The following WDR64 variants were observed in gnomAD, a reference collection of about 807,000 sequenced individuals.
The protein encoded by WDR64 is WD repeat domain 64, also known as WD repeat-containing protein 64.
A neutral mutation model predicts 139.3 loss-of-function variants in WDR64; 112 were observed. The observed-to-expected ratio is 0.80, with a 90% CI of 0.69 to 0.94. The LOEUF is 0.94. Ranked by LOEUF, WDR64 falls within the 40% of genes least tolerant of loss-of-function variation. WDR64 has a pLI of 0.00. For synonymous variants in WDR64, 444 were observed against 437.7 expected, an observed-to-expected ratio of 1.01 and a Z score of -0.18; for missense variants, 1,206 against 1,293.1, an observed-to-expected ratio of 0.93 and a Z score of 1.03.
At chr1:241,771,933 C>CATATATACATACAT (rs1658452649) in intron 19 of WDR64, among the ~76,000 whole-genome samples, 2 of 73,490 alleles carry the variant, frequency 2.7e-5, no homozygotes, top group Non-Finnish European at 5.8e-5. Flanking sequence ...CATACATATA[C>CATATATACATACAT]ATACATACAT....
At position 241,795,203 on chromosome 1, in the gene WDR64, G is replaced by A. The variant is rs1431427529; in HGVS notation, c.2998-4G>A. On this transcript the variant is annotated splice_polypyrimidine_tract_variant and splice_region_variant and intron_variant, in intron 25 of 27. Transcript: ENST00000437684. Reference sequence around the variant, plus strand: ...CATTAAACATTCATCCCTTTGTTTTGCAGATTCGAAGATATCCCTTGGAAG... The same window carrying A: ...CATTAAACATTCATCCCTTTGTTTTACAGATTCGAAGATATCCCTTGGAAG... 2 of 1,613,160 alleles carry A rather than the reference G, an allele frequency of 1.2e-6. No individual in the cohort carries two copies. The highest frequency in any genetic ancestry group is 1.1e-5 in the South Asian group (1 of 90,886).
chr1:241,660,189 T>C (rs1366519306), intron 1 of WDR64, among the ~76,000 whole-genome samples: 1 of 152,182 alleles, frequency 6.6e-6, no homozygotes, highest in South Asian at 2.1e-4. Flanking sequence ...CCATTGCTTG[T>C]TTTTGTCAGG....
In WDR64 at chr1:241,738,368, C is replaced by T. The variant is rs1405362103; in HGVS notation, c.1200C>T (p.Phe400=). Residue 400 remains phenylalanine (F), a synonymous_variant, in exon 11 of 28, where the codon TTC becomes TTT. Coordinates refer to ENST00000437684, the MANE Select transcript of WDR64 (RefSeq NM_001367482.1). ...HVVSLSSAKV[F]RVWDIQTLSL... ...TGTGTTTGTTATTCTTCCAGGTTTT[C>T]CGGGTGTGGGATATACAAACTCTTT... 6.2e-7 allele frequency: 1 copy of T among 1,611,946 alleles called. No individual in the cohort carries two copies. Among genetic ancestry groups the T allele is most frequent in the East Asian group, 2.2e-5 (1 of 44,800 alleles).
chr1:241,716,664 T>G (rs1668415162), intron 9 of WDR64, among the ~76,000 whole-genome samples: 1 of 152,036 alleles, frequency 6.6e-6, no homozygotes, highest in African/African-American at 2.4e-5. Context: ...ATGATGATGA[T>G]GATGATGATG....
At chr1:241,715,053 A>G (rs547974201) in intron 9 of WDR64, among the ~76,000 whole-genome samples, 202 of 152,342 alleles carry the variant, frequency 1.3e-3, no homozygotes, top group African/African-American at 4.5e-3. Context: ...ATACCAAAAC[A>G]TTAATTGTCC....
intron 14 of WDR64, among the ~76,000 whole-genome samples, chr1:241,755,827 C>T (rs1402112177): frequency 1.3e-5 from 2 of 152,112 alleles, no homozygotes; most frequent in African/African-American, 4.8e-5. Flanking sequence ...GAATCCTTTC[C>T]CCATTGCTTG....
intron 27 of WDR64, among the ~76,000 whole-genome samples, chr1:241,799,238 G>A (rs556735003): frequency 1.5e-4 from 11 of 71,298 alleles, no homozygotes; most frequent in Admixed American, 7.8e-4. Context: ...AAAATTAGCC[G>A]GGTGTGGTGG....
In WDR64 at chr1:241,792,299, G is replaced by T. The variant is rs1443635871; in HGVS notation, c.2997+1603G>T. Among the ~76,000 whole-genome samples the T allele has an allele frequency of 2.6e-5, 4 of 152,166 alleles. No individual in the cohort carries two copies. In the South Asian group the frequency reaches 8.3e-4, roughly 32 times the overall value. ...CGCCTGTAATCCCAGCATTGTGGGA[G>T]GCCGAGGTGGGCAGATCACGAGGTC... is the stretch of plus-strand genomic sequence containing the variant. On this transcript the variant is annotated intron_variant, in intron 25 of 27. Coordinates refer to ENST00000437684, the MANE Select transcript of WDR64 (RefSeq NM_001367482.1).
At chr1:241,705,304 G>A (rs1667891767) in intron 8 of WDR64, among the ~76,000 whole-genome samples, 1 of 152,036 alleles carries the variant, frequency 6.6e-6, no homozygotes, top group South Asian at 2.1e-4. Context: ...CACTTTGGGA[G>A]GCCAAGGAGG....
At chr1:241,792,092 C>T (rs1659229405) in intron 25 of WDR64, among the ~76,000 whole-genome samples, 1 of 152,142 alleles carries the variant, frequency 6.6e-6, no homozygotes, top group Non-Finnish European at 1.5e-5. Flanking sequence ...CCTACAGTTA[C>T]CCCACCCTCT....
Position 241,771,697 on chromosome 1 carries a change from G to C in WDR64, c.2290G>C (p.Gly764Arg). 6.8e-7 allele frequency: 1 copy of C among 1,480,260 alleles called. No homozygotes were observed. The allele number at this position is 1,480,260 out of a possible 1,614,324, so 91.7% of individuals were successfully genotyped here. ...AAGCATACATGACAGTGAGGTTAAAGGTCAGTATGAAATCACCTCTCTTCT... is the reference window on the plus strand; with the variant it reads ...AAGCATACATGACAGTGAGGTTAAACGTCAGTATGAAATCACCTCTCTTCT... Reference protein sequence around the residue: ...KQSIHDSEVKGEQTDVMVGKQ... With the variant: ...KQSIHDSEVKREQTDVMVGKQ... The change falls in exon 19 of 28, where the codon GGT becomes CGT. Residue 764 changes from glycine to arginine, a missense_variant and splice_region_variant. Gly to Arg is a moderately radical substitution (Grantham distance 125, BLOSUM62 -2). Coordinates refer to ENST00000437684, the MANE Select transcript of WDR64 (RefSeq NM_001367482.1).
intron 14 of WDR64, among the ~76,000 whole-genome samples, chr1:241,754,816 C>T (rs1248281946): frequency 4.0e-5 from 6 of 151,614 alleles, no homozygotes; most frequent in Admixed American, 3.3e-4. Flanking sequence ...TGGGAACATG[C>T]GGTGTTTGGT....
intron 2 of WDR64, among the ~76,000 whole-genome samples, chr1:241,661,128 G>T (rs1461875717): frequency 1.3e-5 from 2 of 151,330 alleles, no homozygotes; most frequent in East Asian, 1.9e-4. Context: ...TCCATACAGA[G>T]AAATTAAATA....
At chr1:241,734,547 C>T (rs1269986773) in intron 10 of WDR64, among the ~76,000 whole-genome samples, 1 of 151,984 alleles carries the variant, frequency 6.6e-6, no homozygotes, top group African/African-American at 2.4e-5. Flanking sequence ...AATGTATTGT[C>T]TGTACAATGC....
intron 17 of WDR64, among the ~76,000 whole-genome samples, chr1:241,770,120 C>A (rs1029743993): frequency 1.3e-5 from 2 of 152,204 alleles, no homozygotes; most frequent in Non-Finnish European, 2.9e-5. Flanking sequence ...TTCCCTACCC[C>A]TTGGCATGAA....
chr1:241,699,344 C>T (rs1667616914), intron 8 of WDR64, among the ~76,000 whole-genome samples: 1 of 152,178 alleles, frequency 6.6e-6, no homozygotes, highest in African/African-American at 2.4e-5. Context: ...AGAAACTCTA[C>T]AGCAGCCATC....
chr1:241,705,347 C>G (rs954631115), intron 8 of WDR64, among the ~76,000 whole-genome samples: 66 of 151,904 alleles, frequency 4.3e-4, no homozygotes, highest in South Asian at 1.0e-3. Context: ...CGAGACCATC[C>G]CGGCTAACAC....
chr1:241,713,235 C>G (rs188204375), intron 9 of WDR64, among the ~76,000 whole-genome samples: 1 of 150,686 alleles, frequency 6.6e-6, no homozygotes, highest in East Asian at 2.0e-4. Context: ...TGCTGGAACC[C>G]AGGATGTTGA....
At chr1:241,783,437 G>C (rs1658922144) in intron 23 of WDR64, 56 bp downstream of exon 23, 3 of 1,353,540 alleles carry the variant, frequency 2.2e-6, no homozygotes, top group Admixed American at 4.3e-5. Context: ...GAGAGGTAAA[G>C]GATTTTAAGC....
Sources: allele counts gnomAD v4.1 joint callset (sites outside exome capture counted in the v4.1 genomes callset), GRCh38; gene constraint gnomAD v4.1.1; transcripts MANE v1.5; gene names NCBI Gene and HGNC (gene_info 2026-07-23, HGNC 2026-07-21).